The following CNTNAP2 variants were observed in gnomAD, a reference collection of about 807,000 sequenced individuals.
CNTNAP2 encodes contactin-associated protein-like 2.
CNTNAP2 carries 98 observed loss-of-function variants against 155.2 expected under a neutral mutation model. That is an observed-to-expected ratio of 0.63 (90% CI 0.54 to 0.75). The LOEUF is 0.75. CNTNAP2 is among the 30% of genes least tolerant of loss of function. The pLI is 0.00. For missense variants in CNTNAP2, 1,727 were observed against 1,688.1 expected (o/e 1.02, Z -0.40); for synonymous variants, 651 against 631.2 (o/e 1.03, Z -0.47).
At chr7:147,215,086 C>T (rs1803237231) in intron 8 of CNTNAP2, among the ~76,000 whole-genome samples, 2 of 152,248 alleles carry the variant, frequency 1.3e-5, no homozygotes, top group Admixed American at 1.3e-4. Flanking sequence ...CACCAAGTCC[C>T]TGCCTCAACA....
chr7:148,037,888 T>C (rs11773676), intron 15 of CNTNAP2, among the ~76,000 whole-genome samples: 6,155 of 152,286 alleles, frequency 0.04, 160 homozygotes, highest in South Asian at 0.12. Flanking sequence ...CCATGTTCTT[T>C]GACTTACAGT....
intron 21 of CNTNAP2, among the ~76,000 whole-genome samples, chr7:148,278,564 C>T (rs959118598): frequency 7.6e-5 from 5 of 65,540 alleles, no homozygotes; most frequent in Non-Finnish European, 1.1e-4. Flanking sequence ...AGTGAGACTA[C>T]ATCTCAAAAA....
chr7:147,355,695 G>A (rs1192896995), intron 9 of CNTNAP2, among the ~76,000 whole-genome samples: 1 of 152,006 alleles, frequency 6.6e-6, no homozygotes, highest in Non-Finnish European at 1.5e-5. Context: ...TAGAAGAAAT[G>A]GATAAATTCC....
At chr7:148,364,801 G>A (rs1206271675) in intron 21 of CNTNAP2, among the ~76,000 whole-genome samples, 2 of 152,166 alleles carry the variant, frequency 1.3e-5, no homozygotes, top group Non-Finnish European at 2.9e-5. Flanking sequence ...AGCCAGCATT[G>A]GCAACCCGCT....
At chr7:147,482,435 T>A (rs542491645) in intron 10 of CNTNAP2, among the ~76,000 whole-genome samples, 5 of 152,160 alleles carry the variant, frequency 3.3e-5, no homozygotes, top group African/African-American at 1.2e-4. Flanking sequence ...AAAATAAGAA[T>A]CAGGCCCGTG....
intron 11 of CNTNAP2, among the ~76,000 whole-genome samples, chr7:147,493,166 C>T (rs992917093): frequency 6.6e-6 from 1 of 152,126 alleles, no homozygotes; most frequent in Non-Finnish European, 1.5e-5. Context: ...ATCAGTGATT[C>T]TCAATGAAAA....
In CNTNAP2 at chr7:147,121,106, G is replaced by T; in HGVS notation, c.882G>T (p.Arg294Ser). ...QGRSINLTLD[R>S]SMQHFRTNGE... ...GGAGCATTAACCTCACTCTGGACAG[G>T]AGCATGCAGCACTTCCGTACCAATG... Residue 294 changes from arginine to serine, a missense_variant, in exon 6 of 24, where the codon AGG (arginine) becomes AGT (serine). Physicochemically the swap from Arg to Ser is moderately radical, Grantham distance 110. Coordinates refer to ENST00000361727, the MANE Select transcript of CNTNAP2 (RefSeq NM_014141.6). 6.2e-7 allele frequency: 1 copy of T among 1,614,138 alleles called. No homozygotes were observed. Among genetic ancestry groups the T allele is most frequent in the Non-Finnish European group, 8.5e-7 (1 of 1,180,022 alleles).
chr7:148,061,250 A>G (rs1803123963), intron 15 of CNTNAP2, among the ~76,000 whole-genome samples: 1 of 152,218 alleles, frequency 6.6e-6, no homozygotes, highest in South Asian at 2.1e-4. Flanking sequence ...TCAAAATTAC[A>G]GTTTTTTAAG....
intron 13 of CNTNAP2, among the ~76,000 whole-genome samples, chr7:147,798,691 C>T (rs536223584): frequency 6.6e-6 from 1 of 152,330 alleles, no homozygotes; most frequent in African/African-American, 2.4e-5. Flanking sequence ...GTCACACACT[C>T]ATTCCTAAAT....
At chr7:146,194,495 TCC>T (rs915216810) in intron 1 of CNTNAP2, among the ~76,000 whole-genome samples, 5 of 152,092 alleles carry the variant, frequency 3.3e-5, no homozygotes, top group Non-Finnish European at 7.4e-5. Flanking sequence ...GAAAGACCTA[TCC>T]CCGTGAGTCA....
At chr7:147,811,166 C>T (rs1225567603) in intron 13 of CNTNAP2, among the ~76,000 whole-genome samples, 1 of 152,192 alleles carries the variant, frequency 6.6e-6, no homozygotes, top group African/African-American at 2.4e-5. Context: ...ACAATCTCAG[C>T]TCACTGCAAC....
chr7:146,392,520 G>C (rs759437853), intron 1 of CNTNAP2, among the ~76,000 whole-genome samples: 13 of 152,128 alleles, frequency 8.5e-5, no homozygotes, highest in Admixed American at 2.0e-4. Context: ...TCGGTTGAAA[G>C]CACAGAGAAA....
chr7:146,387,681 C>T (rs1041029392), intron 1 of CNTNAP2, among the ~76,000 whole-genome samples: 1 of 152,146 alleles, frequency 6.6e-6, no homozygotes, highest in Non-Finnish European at 1.5e-5. Flanking sequence ...AGGCTGTGCA[C>T]CTTCTTTTCC....
intron 11 of CNTNAP2, among the ~76,000 whole-genome samples, chr7:147,506,136 C>T (rs1442664244): frequency 6.6e-6 from 1 of 152,204 alleles, no homozygotes; most frequent in East Asian, 1.9e-4. Context: ...CTACTAGCAA[C>T]AGAGGAAGGC....
intron 3 of CNTNAP2, among the ~76,000 whole-genome samples, chr7:147,040,663 G>A (rs1372433068): frequency 1.3e-5 from 2 of 151,894 alleles, no homozygotes; most frequent in East Asian, 1.9e-4. Flanking sequence ...GTATCAGCAT[G>A]TTGGCCAGAC....
chr7:147,849,230 C>T (rs1798877337), intron 13 of CNTNAP2, among the ~76,000 whole-genome samples: 1 of 152,110 alleles, frequency 6.6e-6, no homozygotes, highest in African/African-American at 2.4e-5. Flanking sequence ...TATCTCAAGG[C>T]CAATATTACA....
chr7:147,154,241 C>G (rs909032826), intron 8 of CNTNAP2, among the ~76,000 whole-genome samples: 2 of 152,014 alleles, frequency 1.3e-5, no homozygotes, highest in Admixed American at 1.3e-4. Flanking sequence ...CGAGAATAAG[C>G]AAGATCAGAG....
At chr7:148,389,484 A>G (rs1052353513) in intron 22 of CNTNAP2, among the ~76,000 whole-genome samples, 5 of 152,168 alleles carry the variant, frequency 3.3e-5, no homozygotes, top group Non-Finnish European at 5.9e-5. Context: ...TCTTTCCTGT[A>G]TAAATTACCC....
At chr7:147,682,462 G>A (rs181118351) in intron 13 of CNTNAP2, among the ~76,000 whole-genome samples, 2 of 152,040 alleles carry the variant, frequency 1.3e-5, no homozygotes, top group East Asian at 3.9e-4. Flanking sequence ...TAATGTTAAA[G>A]TAGTGGAAAG....
Sources: allele counts gnomAD v4.1 joint callset (sites outside exome capture counted in the v4.1 genomes callset), GRCh38; gene constraint gnomAD v4.1.1; transcripts MANE v1.5; gene names NCBI Gene and HGNC (gene_info 2026-07-23, HGNC 2026-07-21).